Variants in KIF5A observed in about 807,000 individuals in gnomAD.
KIF5A encodes kinesin family member 5A.
In KIF5A, 35 loss-of-function variants were observed where a neutral mutation model predicts 141.3. The ratio of observed to expected loss-of-function variants is 0.25; its 90% CI spans 0.19 to 0.33. KIF5A has a LOEUF of 0.33. KIF5A is among the 10% of genes least tolerant of loss of function. KIF5A has a pLI of 1.00. For synonymous variants in KIF5A, 448 were observed against 500.2 expected (o/e 0.90, Z 1.39); for missense variants, 861 against 1,314.3 (o/e 0.66, Z 5.33).
At chr12:57,564,086 C>T (rs1350215493) in intron 3 of KIF5A, 22 bp from the exon 4 acceptor site, 3 of 1,583,132 alleles carry the variant, frequency 1.9e-6, no homozygotes, top group Middle Eastern at 3.3e-4. Flanking sequence ...CAGCTTCACT[C>T]TCAAATACCT....
intron 9 of KIF5A, 45 bp from the exon 10 acceptor site, chr12:57,569,211 A>G: frequency 1.9e-6 from 3 of 1,611,368 alleles, no homozygotes; most frequent in Non-Finnish European, 2.5e-6. Context: ...TCCCTGTTGA[A>G]TTTTATTTGT....
intron 6 of KIF5A, among the ~76,000 whole-genome samples, chr12:57,565,369 C>T (rs991907149): frequency 2.6e-5 from 4 of 151,744 alleles, no homozygotes; most frequent in Admixed American, 6.6e-5. Context: ...TGCGGTGAGC[C>T]GAGATTGCGC....
At chr12:57,574,494 G>A (rs1441242190) in intron 15 of KIF5A, among the ~76,000 whole-genome samples, 2 of 151,634 alleles carry the variant, frequency 1.3e-5, no homozygotes, top group African/African-American at 2.4e-5. Context: ...GGCTGGTCTC[G>A]AACTCCTGAC....
intron 20 of KIF5A, among the ~76,000 whole-genome samples, chr12:57,577,144 G>T (rs1882453448): frequency 1.3e-5 from 2 of 152,158 alleles, no homozygotes; most frequent in Non-Finnish European, 2.9e-5. Flanking sequence ...TGGATATGTA[G>T]GCATAGAAAA....
intron 6 of KIF5A, among the ~76,000 whole-genome samples, chr12:57,566,557 T>C (rs1415988831): frequency 6.6e-6 from 1 of 151,612 alleles, no homozygotes; most frequent in Admixed American, 6.6e-5. Flanking sequence ...ATTACAGGCA[T>C]GTGCCACCAC....
intron 15 of KIF5A, among the ~76,000 whole-genome samples, chr12:57,574,802 C>T (rs923628196): frequency 2.0e-5 from 3 of 152,056 alleles, no homozygotes; most frequent in Non-Finnish European, 1.5e-5. Context: ...AGGCTGGTCT[C>T]GAACTCCTGA....
At chr12:57,581,391 G>A in intron 24 of KIF5A, 24 bp from the exon 25 acceptor site, 1 of 1,613,220 alleles carries the variant, frequency 6.2e-7, no homozygotes, top group Non-Finnish European at 8.5e-7. Context: ...GCCTCCTCAT[G>A]GTTGTTTTCT....
chr12:57,550,098 G>A lies in KIF5A; in HGVS notation c.-174G>A, dbSNP rs1881519397. The A allele has an allele frequency of 2.5e-6, 2 of 797,912 alleles. No individual in the cohort carries two copies. Among genetic ancestry groups the A allele is most frequent in the Non-Finnish European group, 4.1e-6 (2 of 488,934 alleles). 49.4% of individuals were successfully genotyped at this position (797,912 alleles called of 1,614,324 possible). ...TCGCCCGCATCCCGCTGCCGCAGGAGAGAGACAGCGCGCCCCGGCCCTGCT... is the reference window on the plus strand; with the variant it reads ...TCGCCCGCATCCCGCTGCCGCAGGAAAGAGACAGCGCGCCCCGGCCCTGCT... On this transcript the variant is annotated 5_prime_UTR_variant, in exon 1 of 29. Coordinates refer to ENST00000455537, the MANE Select transcript of KIF5A (RefSeq NM_004984.4). The surrounding 1 kb of genome is among the most constrained non-coding windows in gnomAD (Gnocchi z 4.6).
intron 1 of KIF5A, among the ~76,000 whole-genome samples, chr12:57,562,191 AT>A (rs1276134015): frequency 6.6e-6 from 1 of 152,204 alleles, no homozygotes; most frequent in Admixed American, 6.5e-5. Flanking sequence ...TTAAACAAGG[AT>A]TTGTAAGTCT....
chr12:57,550,164 G>A lies in KIF5A; in HGVS notation c.-108G>A. ...GGGCGCCCTCAACTCTGTCCCCAGA[G>A]ACTGAGCACCTGTCCTCCGCCTCGG... On this transcript the variant is annotated 5_prime_UTR_variant, in exon 1 of 29. Coordinates refer to ENST00000455537, the MANE Select transcript of KIF5A (RefSeq NM_004984.4). This position sits in a 1 kb window ranked among gnomAD's most constrained non-coding sequence, Gnocchi z 4.6. The A allele has an allele frequency of 2.0e-6, 3 of 1,509,344 alleles. No individual in the cohort carries two copies. The South Asian group carries it at 3.4e-5, about 17-fold the overall frequency. 93.5% of individuals were successfully genotyped at this position (1,509,344 alleles called of 1,614,324 possible).
chr12:57,572,407 C>G lies in KIF5A; in HGVS notation c.1569+140C>G. On this transcript the variant is annotated intron_variant, in intron 14 of 28. Transcript: ENST00000455537. The surrounding 1 kb of genome is among the most constrained non-coding windows in gnomAD (Gnocchi z 4.2). ...CAGTGCATTGTGAGTCCCTCCCCAACCCTGTCACTGCACTTTCCCCTCACA... is the reference window on the plus strand; with the variant it reads ...CAGTGCATTGTGAGTCCCTCCCCAAGCCTGTCACTGCACTTTCCCCTCACA... 8.0e-7 allele frequency: 1 copy of G among 1,242,262 alleles called. No individual in the cohort carries two copies. Among genetic ancestry groups the G allele is most frequent in the Non-Finnish European group, 1.2e-6 (1 of 868,884 alleles). The allele number at this position is 1,242,262 out of a possible 1,614,324, so 77.0% of individuals were successfully genotyped here.
At position 57,570,022 on chromosome 12, in the gene KIF5A, G is replaced by A. The variant is rs753854351; in HGVS notation, c.1153G>A (p.Glu385Lys). ...NVPETERLAGEEAALGAELCE... is the reference protein window; with the variant it reads ...NVPETERLAGKEAALGAELCE... Reference sequence around the variant, plus strand: ...GCCTGAGACAGAGCGCCTGGCTGGGGAGGAGGCAGCCCTGGGAGCCGAGCT... The same window carrying A: ...GCCTGAGACAGAGCGCCTGGCTGGGAAGGAGGCAGCCCTGGGAGCCGAGCT... The change falls in exon 12 of 29, where the codon GAG becomes AAG. Residue 385 changes from glutamate to lysine, a missense_variant. Transcript: ENST00000455537. 2.5e-6 allele frequency: 4 copies of A among 1,613,728 alleles called. No homozygotes were observed. Among genetic ancestry groups the A allele is most frequent in the South Asian group, 2.2e-5 (2 of 91,074 alleles).
At position 57,581,493 on chromosome 12, in the gene KIF5A, G is replaced by T. The variant is rs1882600427; in HGVS notation, c.2834G>T (p.Ser945Ile). ...PYGTRSPECISYTNSLFQNYQ... is the reference protein window; with the variant it reads ...PYGTRSPECIIYTNSLFQNYQ... Reference sequence around the variant, plus strand: ...GGCACCCGGAGCCCTGAGTGCATCAGTTACACCAACAGCCTCTTCCAGAAC... The same window carrying T: ...GGCACCCGGAGCCCTGAGTGCATCATTTACACCAACAGCCTCTTCCAGAAC... The change falls in exon 25 of 29, where the codon AGT (serine) becomes ATT (isoleucine). Residue 945 changes from serine to isoleucine, a missense_variant. Around this residue, in one of 5 missense-constraint regions of KIF5A, gnomAD observed 482 missense variants for 661.3 expected, o/e 0.73. Transcript: ENST00000455537. 1 of 1,614,038 alleles carries T rather than the reference G, an allele frequency of 6.2e-7. No individual in the cohort carries two copies. Among genetic ancestry groups the T allele is most frequent in the Non-Finnish European group, 8.5e-7 (1 of 1,180,012 alleles).
chr12:57,579,574 C>T (rs910952239), intron 23 of KIF5A, among the ~76,000 whole-genome samples: 4 of 151,954 alleles, frequency 2.6e-5, no homozygotes, highest in African/African-American at 7.3e-5. Flanking sequence ...CTTATTTAGG[C>T]CTGCAGAGGG....
At position 57,572,303 on chromosome 12, in the gene KIF5A, C is replaced by T. The variant is rs1882280667; in HGVS notation, c.1569+36C>T. 3.2e-6 allele frequency: 5 copies of T among 1,548,022 alleles called. No homozygotes were observed. In the East Asian group the frequency reaches 1.2e-4, roughly 38 times the overall value. On this transcript the variant is annotated intron_variant, in intron 14 of 28. Transcript: ENST00000455537. The surrounding 1 kb of genome is among the most constrained non-coding windows in gnomAD (Gnocchi z 4.2). ...TGCCAATGGTCCAACAGCTCCCTGA[C>T]CACAGAACATCTCCCATGTCGAGGG... is the stretch of plus-strand genomic sequence containing the variant.
rs757985743 is a variant in KIF5A at position 57,575,209 on chromosome 12, G to C, written c.1842G>C (p.Glu614Asp). The C allele has an allele frequency of 1.2e-6, 2 of 1,613,836 alleles. No individual in the cohort carries two copies. The highest frequency in any genetic ancestry group is 2.7e-5 in the African/African-American group (2 of 74,920). ...RCRQLENLQVECHRKMEVTGR... is the reference protein window; with the variant it reads ...RCRQLENLQVDCHRKMEVTGR... ...GGCAGCTGGAGAACCTCCAGGTGGA[G>C]TGTCACCGCAAGATGGAAGTGACCG... is the stretch of plus-strand genomic sequence containing the variant. The change falls in exon 16 of 29, where the codon GAG becomes GAC. Residue 614 changes from glutamate to aspartate, a missense_variant. Glu to Asp is a conservative substitution (Grantham distance 45, BLOSUM62 2). This residue lies in a region of KIF5A where 482 missense variants were observed against 661.3 expected (regional missense o/e 0.73). Transcript: ENST00000455537.
chr12:57,572,665 A>G lies in KIF5A; in HGVS notation c.1655A>G (p.Asn552Ser). The G allele has an allele frequency of 6.2e-7, 1 of 1,614,230 alleles. No homozygotes were observed. Residue 552 changes from asparagine to serine, a missense_variant, in exon 15 of 29, where the codon AAC (asparagine) becomes AGC (serine). This residue lies in a region of KIF5A where 482 missense variants were observed against 661.3 expected (regional missense o/e 0.73). Coordinates refer to ENST00000455537, the MANE Select transcript of KIF5A (RefSeq NM_004984.4). This position sits in a 1 kb window ranked among gnomAD's most constrained non-coding sequence, Gnocchi z 4.2. ...CGAAAACGAATTGCTGAGGTGCTGA[A>G]CGGGCTGATGAAGGATCTGAGCGAG... is the stretch of plus-strand genomic sequence containing the variant. ...HQRKRIAEVLNGLMKDLSEFS... is the reference protein window; with the variant it reads ...HQRKRIAEVLSGLMKDLSEFS...
At chr12:57,552,514 C>G (rs1408846141) in intron 1 of KIF5A, among the ~76,000 whole-genome samples, 1 of 152,170 alleles carries the variant, frequency 6.6e-6, no homozygotes, top group African/African-American at 2.4e-5. Context: ...CAATCTCTCA[C>G]TTGAAGATAA....
At chr12:57,580,752 T>C (rs1188518539) in intron 23 of KIF5A, among the ~76,000 whole-genome samples, 1 of 152,110 alleles carries the variant, frequency 6.6e-6, no homozygotes, top group Non-Finnish European at 1.5e-5. Flanking sequence ...CACCCTTCGC[T>C]CTGGGAGAAG....
Sources: gnomAD v4.1 joint callset for allele counts (sites outside exome capture counted in the v4.1 genomes callset) on GRCh38, gnomAD v4.1.1 for gene constraint, gnomAD v4.1.1 regional missense constraint, Gnocchi (gnomAD v3.1) non-coding constraint, MANE v1.5 for transcripts, NCBI Gene and HGNC (gene_info 2026-07-23, HGNC 2026-07-21) for gene names.